CTNNA2: variants seen among roughly 807,000 people sequenced by gnomAD.
CTNNA2 encodes catenin alpha 2.
In CTNNA2, 42 loss-of-function variants were observed where a neutral mutation model predicts 101.0. The observed-to-expected ratio is 0.42, with a 90% CI of 0.32 to 0.54. The LOEUF (loss-of-function observed/expected upper bound fraction) is 0.54. CTNNA2 is among the 20% of genes least tolerant of loss of function. The pLI is 0.14. For synonymous variants in CTNNA2, 450 were observed against 456.4 expected (o/e 0.99, Z 0.18); for missense variants, 871 against 1,223.1 (o/e 0.71, Z 4.29).
At chr2:80,154,015 G>T (rs1703860209) in intron 7 of CTNNA2, among the ~76,000 whole-genome samples, 1 of 152,178 alleles carries the variant, frequency 6.6e-6, no homozygotes, top group Non-Finnish European at 1.5e-5. Flanking sequence ...AAATACTAGT[G>T]TCTGTCCCAT....
chr2:79,218,703 A>G (rs941672515), intron 2 of CTNNA2, among the ~76,000 whole-genome samples: 13 of 152,178 alleles, frequency 8.5e-5, no homozygotes, highest in African/African-American at 2.9e-4. Context: ...CCTGAGCAAC[A>G]TGGTACAAAT....
intron 3 of CTNNA2, among the ~76,000 whole-genome samples, chr2:79,850,695 C>A (rs1275870503): frequency 6.6e-6 from 1 of 152,136 alleles, no homozygotes; most frequent in Non-Finnish European, 1.5e-5. Context: ...GGGCAAATAA[C>A]CTTAATAATC....
chr2:79,789,986 A>T (rs1054233551), intron 3 of CTNNA2, among the ~76,000 whole-genome samples: 1 of 152,172 alleles, frequency 6.6e-6, no homozygotes, highest in Non-Finnish European at 1.5e-5. Context: ...GAGTCAGCCA[A>T]TTAGAAAAAC....
chr2:79,333,535 G>T (rs1045199321), intron 3 of CTNNA2, among the ~76,000 whole-genome samples: 1 of 152,128 alleles, frequency 6.6e-6, no homozygotes, highest in Non-Finnish European at 1.5e-5. Context: ...GAAGGACACA[G>T]TTTATGAATC....
rs1285396135 is a variant in CTNNA2, at chr2:79,407,704, G to C, written c.-135+33691G>C. 6.6e-5 allele frequency among the ~76,000 whole-genome samples: 10 copies of C among 151,948 alleles called. 1 individual carries two copies. Among genetic ancestry groups the C allele is most frequent in the Admixed American group, 6.6e-4 (10 of 15,208 alleles). On this transcript the variant is annotated intron_variant, in intron 4 of 21. Coordinates refer to the CTNNA2 transcript ENST00000466387. The stretch of plus-strand genomic sequence containing the variant: ...TCTAAGGATACACCAGATAGTCAAT[G>C]AATTTTCCAGGTATACCGCAGACTG...
Position 79,630,160 on chromosome 2 carries a change from G to C in CTNNA2, c.-5-21392G>C, listed in dbSNP as rs540365382. Among the ~76,000 whole-genome samples, 138 of 152,128 alleles carry C rather than the reference G, an allele frequency of 9.1e-4. 1 individual carries two copies. Among genetic ancestry groups the C allele is most frequent in the African/African-American group, 3.2e-3 (133 of 41,444 alleles). Reference sequence around the variant, plus strand: ...CCTGCCGTACCACAATATAGACCCTGGGACCTGCTCTCCCCTTGCCACCTC... The same window carrying C: ...CCTGCCGTACCACAATATAGACCCTCGGACCTGCTCTCCCCTTGCCACCTC... On this transcript the variant is annotated intron_variant, in intron 1 of 18. Transcript: ENST00000402739.
intron 4 of CTNNA2, among the ~76,000 whole-genome samples, chr2:79,435,833 T>A (rs1678707285): frequency 6.6e-6 from 1 of 152,132 alleles, no homozygotes; most frequent in Non-Finnish European, 1.5e-5. Context: ...GCTAGCCTCA[T>A]CCGAGTGAAC....
intron 4 of CTNNA2, among the ~76,000 whole-genome samples, chr2:79,451,911 C>T (rs1670757822): frequency 6.6e-6 from 1 of 151,810 alleles, no homozygotes; most frequent in African/African-American, 2.4e-5. Flanking sequence ...AACTATTTTT[C>T]AATGAACAAC....
chr2:79,402,236 T>C (rs1678297288), intron 4 of CTNNA2, among the ~76,000 whole-genome samples: 1 of 151,792 alleles, frequency 6.6e-6, no homozygotes, highest in Admixed American at 6.6e-5. Context: ...CTTTCAATAA[T>C]GGATGGAATA....
chr2:80,626,582 C>T (rs1472701276), intron 18 of CTNNA2, among the ~76,000 whole-genome samples: 1 of 151,674 alleles, frequency 6.6e-6, no homozygotes, highest in African/African-American at 2.4e-5. Context: ...TGAGATGCCA[C>T]TAAATAAAGA....
chr2:79,510,920 C>T (rs1031346021), upstream of CTNNA2, among the ~76,000 whole-genome samples: 1 of 152,124 alleles, frequency 6.6e-6, no homozygotes, highest in African/African-American at 2.4e-5. Context: ...TTGTGGTCTA[C>T]ATTATTTAAT....
intron 7 of CTNNA2, among the ~76,000 whole-genome samples, chr2:80,217,078 C>G (rs911986195): frequency 6.6e-6 from 1 of 151,986 alleles, no homozygotes; most frequent in Admixed American, 6.6e-5. Flanking sequence ...GTGATCTGCC[C>G]ACCTCGGCCT....
At chr2:79,470,855 C>T (rs1037063934) in intron 4 of CTNNA2, among the ~76,000 whole-genome samples, 15 of 152,138 alleles carry the variant, frequency 9.9e-5, no homozygotes, top group African/African-American at 2.9e-4. Context: ...GGGGCTCTAA[C>T]GTTCCTGCAA....
At chr2:79,395,257 A>T (rs1424350520) in intron 4 of CTNNA2, among the ~76,000 whole-genome samples, 1 of 151,928 alleles carries the variant, frequency 6.6e-6, no homozygotes, top group East Asian at 1.9e-4. Context: ...TATTATTATT[A>T]TACTTTAAGT....
At chr2:80,552,431 C>A (rs180785258) in intron 11 of CTNNA2, among the ~76,000 whole-genome samples, 231 of 152,238 alleles carry the variant, frequency 1.5e-3, no homozygotes, top group African/African-American at 5.2e-3. Context: ...CATTCTGAAC[C>A]GTAGTAGCTT....
intron 3 of CTNNA2, among the ~76,000 whole-genome samples, chr2:79,793,749 G>A (rs1351953953): frequency 1.3e-5 from 2 of 152,108 alleles, no homozygotes; most frequent in African/African-American, 4.8e-5. Context: ...TCACCATTAG[G>A]TCTTGGGCCA....
intron 7 of CTNNA2, among the ~76,000 whole-genome samples, chr2:80,067,184 TA>T (rs35225134): frequency 0.64 from 97,340 of 151,886 alleles, 34,536 homozygotes; most frequent in Non-Finnish European, 0.82. Flanking sequence ...TGACTATAGT[TA>T]ATGTATTCTT....
At chr2:80,018,797 A>AAAAT (rs1694343987) in intron 7 of CTNNA2, among the ~76,000 whole-genome samples, 1 of 151,822 alleles carries the variant, frequency 6.6e-6, no homozygotes, top group African/African-American at 2.4e-5. Context: ...AAAAAAAAAA[A>AAAAT]AAATTGGGAC....
rs1704435071 is a variant in CTNNA2, at chr2:80,163,096, G to A, written c.1057-230115G>A. The A allele has an allele frequency of 2.5e-6, 4 of 1,580,550 alleles. No homozygotes were observed. The South Asian group carries it at 3.3e-5, about 13-fold the overall frequency. On this transcript the variant is annotated intron_variant, in intron 7 of 18. Transcript: ENST00000402739. ...TGTTTGAAATTCACAAACGCAAACT[G>A]CTTTGGTTTACCATCCTTATCTTTT... is the stretch of plus-strand genomic sequence containing the variant.
Sources: gnomAD v4.1 joint callset for allele counts (sites outside exome capture counted in the v4.1 genomes callset) on GRCh38, gnomAD v4.1.1 for gene constraint, MANE v1.5 for transcripts, NCBI Gene and HGNC (gene_info 2026-07-23, HGNC 2026-07-21) for gene names.